Variants in NAALAD2 observed in about 807,000 individuals in gnomAD.
NAALAD2 encodes the protein N-acetylated-alpha-linked acidic dipeptidase 2.
A neutral mutation model predicts 95.6 loss-of-function variants in NAALAD2; 89 were observed. The ratio of observed to expected loss-of-function variants is 0.93; its 90% CI spans 0.78 to 1.11. The LOEUF (loss-of-function observed/expected upper bound fraction) is 1.11. Among genes scored for constraint, NAALAD2 ranks in the 50% least tolerant of loss-of-function variants. The pLI is 0.00. For synonymous variants in NAALAD2, 264 were observed against 294.4 expected (o/e 0.90, Z 1.06); for missense variants, 894 against 872.4 (o/e 1.02, Z -0.31).
intron 2 of NAALAD2, among the ~76,000 whole-genome samples, chr11:90,142,597 T>C (rs759101346): frequency 1.9e-4 from 29 of 152,306 alleles, no homozygotes; most frequent in Non-Finnish European, 3.5e-4. Context: ...GTTTTATCCA[T>C]TTTTGTAATC....
chr11:90,188,340 C>T (rs1412081490), intron 18 of NAALAD2, among the ~76,000 whole-genome samples: 3 of 152,148 alleles, frequency 2.0e-5, no homozygotes, highest in Non-Finnish European at 4.4e-5. Context: ...ACATATAAAA[C>T]ATTCTTCTTA....
chr11:90,133,671 T>G (rs943693054), upstream of NAALAD2, among the ~76,000 whole-genome samples: 2 of 152,184 alleles, frequency 1.3e-5, no homozygotes, highest in East Asian at 3.9e-4. Context: ...TTAGGGAAAT[T>G]CAATGGGCTT....
chr11:90,189,379 C>A (rs962395061), intron 18 of NAALAD2, among the ~76,000 whole-genome samples: 2 of 152,126 alleles, frequency 1.3e-5, no homozygotes, highest in African/African-American at 4.8e-5. Context: ...GTAATGGAAT[C>A]TAAAAAGGAT....
At chr11:90,181,770 T>G in intron 17 of NAALAD2, 69 bp downstream of exon 17, 1 of 1,010,142 alleles carries the variant, frequency 9.9e-7, no homozygotes, top group Non-Finnish European at 1.5e-6. Context: ...ATGAACTGTT[T>G]CACTCATATT....
intron 12 of NAALAD2, chr11:90,169,228 A>C: frequency 2.8e-6 from 1 of 356,650 alleles, no homozygotes; most frequent in South Asian, 6.7e-5. Flanking sequence ...TATTGCTTTT[A>C]ATTTCTTTGA....
intron 15 of NAALAD2, 66 bp downstream of exon 15, chr11:90,176,128 T>G: frequency 1.6e-6 from 2 of 1,277,234 alleles, no homozygotes; most frequent in Admixed American, 3.6e-5. Context: ...AGAATGTCAC[T>G]GAGTTGTTTG....
At chr11:90,169,456 C>T (rs1382010879) in intron 12 of NAALAD2, 1 of 152,558 alleles carries the variant, frequency 6.6e-6, no homozygotes, top group African/African-American at 2.4e-5. Flanking sequence ...TTGAATCTAG[C>T]TCAGGATCAC....
intron 4 of NAALAD2, 101 bp from the exon 5 acceptor site, chr11:90,150,376 AGAAAG>A: frequency 1.6e-6 from 1 of 611,906 alleles, no homozygotes; most frequent in Non-Finnish European, 2.6e-6. Context: ...CCCCAAATAA[AGAAAG>A]GAAACACTTT....
intron 18 of NAALAD2, among the ~76,000 whole-genome samples, chr11:90,190,879 G>GTAT (rs1216160879): frequency 6.6e-6 from 1 of 152,090 alleles, no homozygotes; most frequent in Non-Finnish European, 1.5e-5. Context: ...AATTCCTGAT[G>GTAT]TATTAATAAA....
At chr11:90,146,961 G>T (rs147437069) in intron 2 of NAALAD2, among the ~76,000 whole-genome samples, 2 of 152,098 alleles carry the variant, frequency 1.3e-5, no homozygotes, top group Non-Finnish European at 2.9e-5. Context: ...TGGTCCCTGC[G>T]AGAGGTTAAG....
chr11:90,158,599 G>A (rs7925106), intron 7 of NAALAD2: 84,313 of 195,546 alleles, frequency 0.43, 19,516 homozygotes, highest in African/African-American at 0.62. Context: ...CTTACTAGAG[G>A]TATGACCTTG....
At chr11:90,163,166 A>T (rs1011378162) in intron 9 of NAALAD2, 132 bp downstream of exon 9, 3 of 1,228,678 alleles carry the variant, frequency 2.4e-6, no homozygotes, top group Non-Finnish European at 3.4e-6. Context: ...GGAAAACTGT[A>T]CAAATCTAAA....
chr11:90,139,986 G>A (rs1749816536), intron 2 of NAALAD2, among the ~76,000 whole-genome samples: 1 of 151,786 alleles, frequency 6.6e-6, no homozygotes, highest in South Asian at 2.1e-4. Flanking sequence ...ATCATTAGTG[G>A]CACTTTGTAT....
rs754280308 is a variant in NAALAD2 at position 90,168,994 on chromosome 11, T to A, written c.1342+2T>A. ...TCAACTCGGATTCATCTATAGAAGG[T>A]AAATTTTATTTCAATTTGAAGTGAA... On this transcript the variant is annotated splice_donor_variant, in intron 12 of 18. Coordinates refer to ENST00000534061, the MANE Select transcript of NAALAD2 (RefSeq NM_005467.4). LOFTEE classifies it high-confidence loss of function. 23 of 1,585,926 alleles carry A rather than the reference T, an allele frequency of 1.5e-5. No individual in the cohort carries two copies. The African/African-American group carries it at 2.7e-4, about 19-fold the overall frequency.
chr11:90,165,399 C>T (rs1485686211), intron 11 of NAALAD2, among the ~76,000 whole-genome samples: 2 of 152,138 alleles, frequency 1.3e-5, no homozygotes, highest in South Asian at 2.1e-4. Flanking sequence ...CTTACCTTCC[C>T]TCCTCCATCT....
rs746511527 is a variant in NAALAD2, at chr11:90,152,496, G to A, written c.796+12G>A. On this transcript the variant is annotated intron_variant, in intron 6 of 18. Coordinates refer to ENST00000534061, the MANE Select transcript of NAALAD2 (RefSeq NM_005467.4). ...CTATCCAGCAAAAGGTAAGGGATGA[G>A]CCTATCAGTCCACCAATTTTGCAAA... is the stretch of plus-strand genomic sequence containing the variant. The A allele has an allele frequency of 8.2e-6, 13 of 1,581,884 alleles. No individual in the cohort carries two copies. The South Asian group carries it at 1.2e-4, about 15-fold the overall frequency.
At chr11:90,182,827 A>G (rs1020714428) in intron 17 of NAALAD2, 89 bp from the exon 18 acceptor site, 4 of 888,334 alleles carry the variant, frequency 4.5e-6, no homozygotes, top group African/African-American at 3.4e-5. Context: ...TTAGAAATAT[A>G]TTTTCCCAAG....
chr11:90,157,942 A>G (rs1405108733), intron 6 of NAALAD2, among the ~76,000 whole-genome samples: 1 of 152,126 alleles, frequency 6.6e-6, no homozygotes, highest in East Asian at 1.9e-4. Flanking sequence ...GATGGTCTCC[A>G]TCTCTTGGCC....
chr11:90,187,467 T>C (rs1194946516), intron 18 of NAALAD2, among the ~76,000 whole-genome samples: 1 of 152,212 alleles, frequency 6.6e-6, no homozygotes, highest in Non-Finnish European at 1.5e-5. Context: ...AGTATGGAAA[T>C]AAGTTCTTCC....
Sources: allele counts gnomAD v4.1 joint callset (sites outside exome capture counted in the v4.1 genomes callset), GRCh38; gene constraint gnomAD v4.1.1; transcripts MANE v1.5; gene names NCBI Gene and HGNC (gene_info 2026-07-23, HGNC 2026-07-21).